EPRS1: variants seen among roughly 807,000 people sequenced by gnomAD.
EPRS1 encodes glutamyl-prolyl-tRNA synthetase 1.
A neutral mutation model predicts 188.3 loss-of-function variants in EPRS1; 107 were observed. That is an observed-to-expected ratio of 0.57 (90% CI 0.49 to 0.67). The LOEUF (loss-of-function observed/expected upper bound fraction) is 0.67, where lower values mean the gene tolerates loss of function less well. Ranked by LOEUF, EPRS1 falls within the 30% of genes least tolerant of loss-of-function variation. The pLI is 0.00. For synonymous variants in EPRS1, 596 were observed against 593.1 expected (o/e 1.00, Z -0.07); for missense variants, 1,577 against 1,802.2 (o/e 0.88, Z 2.26).
intron 1 of EPRS1, among the ~76,000 whole-genome samples, chr1:220,045,799 A>G (rs1409915288): frequency 1.3e-5 from 2 of 152,186 alleles, no homozygotes; most frequent in Non-Finnish European, 2.9e-5. Context: ...GCCTCAGTTG[A>G]AATCCTAAAT....
Position 219,997,062 on chromosome 1 carries a change from A to G in EPRS1, c.2462T>C (p.Leu821Pro). Residue 821 changes from leucine (L) to proline (P), a missense_variant, in exon 18 of 32, where the codon CTG (leucine) becomes CCG (proline). Leu to Pro is a moderately conservative substitution (Grantham distance 98). Around this residue, in one of 3 missense-constraint regions of EPRS1, gnomAD observed 1,278 missense variants for 1,457.4 expected, o/e 0.88. Transcript: ENST00000366923. ...NISSNSSASILESKSLYDEVA... is the reference protein window; with the variant it reads ...NISSNSSASIPESKSLYDEVA... ...TTCATCATACAGAGATTTACTTTCC[A>G]GAATACTTGCTGAGGAATTAGAAGA... 6.2e-7 allele frequency: 1 copy of G among 1,613,910 alleles called. No homozygotes were observed. The highest frequency in any genetic ancestry group is 8.5e-7 in the Non-Finnish European group (1 of 1,179,952).
In EPRS1 at chr1:219,988,836, A is replaced by C; in HGVS notation, c.2542-13T>G. On this transcript the variant is annotated splice_polypyrimidine_tract_variant and intron_variant, in intron 18 of 31. Coordinates refer to ENST00000366923, the MANE Select transcript of EPRS1 (RefSeq NM_004446.3). ...CATTTATTTTAGCCTAAAATAAAAG[A>C]GAGAAAGAGATATTTATAAAACTTT... The C allele has an allele frequency of 6.6e-7, 1 of 1,515,698 alleles. No homozygotes were observed. The highest frequency in any genetic ancestry group is 9.0e-7 in the Non-Finnish European group (1 of 1,115,054). 93.9% of individuals were successfully genotyped at this position (1,515,698 alleles called of 1,614,324 possible).
At position 219,982,829 on chromosome 1, in the gene EPRS1, T is replaced by C; in HGVS notation, c.3316A>G (p.Arg1106Gly). Residue 1106 changes from arginine (R) to glycine (G), a missense_variant, in exon 23 of 32, where the codon AGA becomes GGA. Transcript: ENST00000366923. ...DFAPEVAWVT[R>G]SGKTELAEPI... The stretch of plus-strand genomic sequence containing the variant: ...TCTGCCAGCTCGGTTTTGCCAGATC[T>C]TGTAACCCAAGCAACCTAGTAAGAA... The C allele has an allele frequency of 1.9e-6, 3 of 1,614,072 alleles. No homozygotes were observed. The highest frequency in any genetic ancestry group is 2.5e-6 in the Non-Finnish European group (3 of 1,179,922).
intron 22 of EPRS1, 72 bp from the exon 23 acceptor site, chr1:219,982,916 A>C: frequency 7.5e-7 from 1 of 1,339,496 alleles, no homozygotes; most frequent in Non-Finnish European, 1.1e-6. Flanking sequence ...AATGCAGGCA[A>C]ATTTCCTCTG....
chr1:219,997,201 C>T lies in EPRS1; in HGVS notation c.2323G>A (p.Glu775Lys). ...TGTTTTACAGCTGCATCTACATCTT[C>T]CTTTGGTGCTTTCTTGGCTTTTAAT... ...RELKAKKAPKEDVDAAVKQLL... is the reference protein window; with the variant it reads ...RELKAKKAPKKDVDAAVKQLL... The change falls in exon 18 of 32, where the codon GAA becomes AAA. Residue 775 changes from glutamate (E) to lysine (K), a missense_variant. Physicochemically the swap from Glu to Lys is moderately conservative, Grantham distance 56 (BLOSUM62 1). Transcript: ENST00000366923. 1 of 1,614,112 alleles carries T rather than the reference C, an allele frequency of 6.2e-7. No individual in the cohort carries two copies. The highest frequency in any genetic ancestry group is 1.3e-5 in the African/African-American group (1 of 75,046).
Position 219,982,815 on chromosome 1 carries a change from G to T in EPRS1, c.3330C>A (p.Thr1110=), listed in dbSNP as rs777738722. 2 of 1,613,820 alleles carry T rather than the reference G, an allele frequency of 1.2e-6. No individual in the cohort carries two copies. Among genetic ancestry groups the T allele is most frequent in the Non-Finnish European group, 1.7e-6 (2 of 1,179,926 alleles). Residue 1110 remains threonine (T), a synonymous_variant, in exon 23 of 32, where the codon ACC becomes ACA. Transcript: ENST00000366923. ...GAATGGCAATTGGTTCTGCCAGCTC[G>T]GTTTTGCCAGATCTTGTAACCCAAG... The part of the protein sequence containing the change: ...EVAWVTRSGK[T]ELAEPIAIRP...
Position 220,030,374 on chromosome 1 carries a change from A to T in EPRS1, c.623+12T>A. 3 of 1,568,532 alleles carry T rather than the reference A, an allele frequency of 1.9e-6. No individual in the cohort carries two copies. Among genetic ancestry groups the T allele is most frequent in the Non-Finnish European group, 2.6e-6 (3 of 1,138,676 alleles). On this transcript the variant is annotated intron_variant, in intron 6 of 31. Transcript: ENST00000366923. The stretch of plus-strand genomic sequence containing the variant: ...ATATATTCAATTATAAATGTGAGTT[A>T]CATTTTCTTACCCACTGGCCTCTGG...
At chr1:220,007,763 T>C (rs1354865843) in intron 13 of EPRS1, among the ~76,000 whole-genome samples, 1 of 152,188 alleles carries the variant, frequency 6.6e-6, no homozygotes, top group Non-Finnish European at 1.5e-5. Context: ...CTGTTTCCTA[T>C]CCTTAGAATC....
rs541222229 is a variant in EPRS1 at position 219,986,262 on chromosome 1, G to A, written c.3038+880C>T. 2.2e-4 allele frequency among the ~76,000 whole-genome samples: 34 copies of A among 152,256 alleles called. No individual in the cohort carries two copies. The South Asian group carries it at 4.4e-3, about 20-fold the overall frequency. On this transcript the variant is annotated intron_variant, in intron 20 of 31. Coordinates refer to ENST00000366923, the MANE Select transcript of EPRS1 (RefSeq NM_004446.3). ...AACAGATAAAAAATTACAATTATGC[G>A]TCACTTAATGACATGAATACATTTT...
At chr1:220,029,733 G>A (rs1662051682) in intron 6 of EPRS1, among the ~76,000 whole-genome samples, 1 of 152,174 alleles carries the variant, frequency 6.6e-6, no homozygotes, top group Admixed American at 6.5e-5. Flanking sequence ...TATAAAGCTT[G>A]TCCAGTATAC....
chr1:220,032,999 A>G (rs1299629088), intron 4 of EPRS1, among the ~76,000 whole-genome samples: 2 of 152,128 alleles, frequency 1.3e-5, no homozygotes, highest in Admixed American at 1.3e-4. Flanking sequence ...TTTTGAAAAA[A>G]CTGTCTTTCC....
intron 12 of EPRS1, among the ~76,000 whole-genome samples, chr1:220,015,474 AAAC>A (rs139274933): frequency 0.036 from 5,521 of 151,704 alleles, 294 homozygotes; most frequent in African/African-American, 0.12. Context: ...GAAAAAAATA[AAAC>A]AAAACAAAAG....
rs1350904314 is a variant in EPRS1 at position 219,997,263 on chromosome 1, T to A, written c.2261A>T (p.Tyr754Phe). Residue 754 changes from tyrosine to phenylalanine, a missense_variant, in exon 18 of 32, where the codon TAC becomes TTC. Tyr to Phe is a conservative substitution (Grantham distance 22). This residue lies in a region of EPRS1 where 1,278 missense variants were observed against 1,457.4 expected (regional missense o/e 0.88). Transcript: ENST00000366923. ...ATCTCCTTGAACAGCCACTCTATTGTAAAGGACCAAGGAATCCTCAGATGT... is the reference window on the plus strand; with the variant it reads ...ATCTCCTTGAACAGCCACTCTATTGAAAAGGACCAAGGAATCCTCAGATGT... The part of the protein sequence containing the change: ...CTTSEDSLVL[Y>F]NRVAVQGDVV... The A allele has an allele frequency of 6.2e-7, 1 of 1,613,926 alleles. No homozygotes were observed. Among genetic ancestry groups the A allele is most frequent in the African/African-American group, 1.3e-5 (1 of 74,928 alleles).
Position 220,040,286 on chromosome 1 carries a change from A to C in EPRS1, c.47-17T>G. The stretch of plus-strand genomic sequence containing the variant: ...GCAAAGCTCCTATAAATAATATGAA[A>C]AGATTTTTTATCTTTAAAAGCAATG... On this transcript the variant is annotated splice_polypyrimidine_tract_variant and intron_variant, in intron 1 of 31. Transcript: ENST00000366923. The C allele has an allele frequency of 6.7e-7, 1 of 1,500,956 alleles. No individual in the cohort carries two copies. Among genetic ancestry groups the C allele is most frequent in the Non-Finnish European group, 9.2e-7 (1 of 1,086,622 alleles). The allele number at this position is 1,500,956 out of a possible 1,614,324, so 93.0% of individuals were successfully genotyped here. A position where few individuals can be genotyped will look rare whatever the true frequency, so the allele number is the denominator to read the frequency against.
intron 6 of EPRS1, among the ~76,000 whole-genome samples, chr1:220,028,200 C>T (rs1365418176): frequency 1.3e-5 from 2 of 151,890 alleles, no homozygotes; most frequent in Non-Finnish European, 2.9e-5. Context: ...GGCGTTGCAC[C>T]CAATAACATG....
intron 18 of EPRS1, among the ~76,000 whole-genome samples, chr1:219,989,238 A>C (rs987734645): frequency 6.6e-6 from 1 of 152,132 alleles, no homozygotes; most frequent in Admixed American, 6.5e-5. Context: ...ACTTTGGGGA[A>C]AAAAAGGAAG....
intron 16 of EPRS1, among the ~76,000 whole-genome samples, 176 bp from the exon 17 acceptor site, chr1:220,001,431 T>G (rs1661349895): frequency 6.6e-6 from 1 of 152,196 alleles, no homozygotes; most frequent in South Asian, 2.1e-4. Context: ...AGTGATGTGA[T>G]CTAAGCTCAC....
At position 220,027,949 on chromosome 1, in the gene EPRS1, G is replaced by C. The variant is rs74467388; in HGVS notation, c.623+2437C>G. Among the ~76,000 whole-genome samples the C allele has an allele frequency of 5.3e-3, 813 of 152,096 alleles. 7 individuals carry two copies. The highest frequency in any genetic ancestry group is 0.019 in the African/African-American group (790 of 41,522). On this transcript the variant is annotated intron_variant, in intron 6 of 31. Coordinates refer to ENST00000366923, the MANE Select transcript of EPRS1 (RefSeq NM_004446.3). ...GAAAAACTAACAAAATCCCAAAAAA[G>C]GATGGAGTTTAATAACATATTAATA...
chr1:219,989,074 C>G (rs1335070237), intron 18 of EPRS1, among the ~76,000 whole-genome samples: 1 of 151,982 alleles, frequency 6.6e-6, no homozygotes, highest in East Asian at 1.9e-4. Flanking sequence ...AGTAAACAGA[C>G]AAATAATAGA....
Sources: allele counts gnomAD v4.1 joint callset (sites outside exome capture counted in the v4.1 genomes callset), GRCh38; gene constraint gnomAD v4.1.1; regional missense constraint gnomAD v4.1.1; transcripts MANE v1.5; gene names NCBI Gene and HGNC (gene_info 2026-07-23, HGNC 2026-07-21).